Variants in CSMD1 observed in about 807,000 individuals in gnomAD.
The protein encoded by CSMD1 is CUB and sushi domain-containing protein 1.
In CSMD1, 213 loss-of-function variants were observed where a neutral mutation model predicts 417.5. The observed-to-expected ratio is 0.51, with a 90% CI of 0.46 to 0.57. The LOEUF (loss-of-function observed/expected upper bound fraction) is 0.57. CSMD1 is among the 20% of genes least tolerant of loss of function. The pLI is 0.00. For missense variants in CSMD1, 6,923 were observed against 4,529.7 expected (o/e 1.53, Z -15.17); for synonymous variants, 2,862 against 1,736.8 (o/e 1.65, Z -16.11).
chr8:4,554,784 G>C (rs7357512), intron 2 of CSMD1, among the ~76,000 whole-genome samples: 64,751 of 152,130 alleles, frequency 0.43, 13,943 homozygotes, highest in Admixed American at 0.53. Context: ...AAACCCATGA[G>C]CCAGCAGCGT....
At chr8:4,453,214 GAGACACACACACACAC>G (rs1304908882) in intron 2 of CSMD1, among the ~76,000 whole-genome samples, 2 of 94,966 alleles carry the variant, frequency 2.1e-5, no homozygotes, top group Non-Finnish European at 4.7e-5. Context: ...GACACACACA[GAGACACACACACACAC>G]ACACACACAC....
intron 3 of CSMD1, among the ~76,000 whole-genome samples, chr8:4,231,890 G>A (rs967482811): frequency 2.6e-5 from 4 of 151,962 alleles, no homozygotes; most frequent in Non-Finnish European, 5.9e-5. Flanking sequence ...TAATACTTGT[G>A]TTTTACTAAA....
chr8:4,935,446 A>G (rs1032753734), intron 1 of CSMD1, among the ~76,000 whole-genome samples: 9 of 152,224 alleles, frequency 5.9e-5, no homozygotes, highest in African/African-American at 2.2e-4. Flanking sequence ...CTTGCAGAAG[A>G]CTAACAGTTA....
chr8:4,474,597 T>C (rs955745852), intron 2 of CSMD1, among the ~76,000 whole-genome samples: 4 of 152,162 alleles, frequency 2.6e-5, no homozygotes, highest in African/African-American at 9.6e-5. Context: ...GGTGTTTCTG[T>C]GTGAGCTACT....
Position 4,593,160 on chromosome 8 carries a change from G to A in CSMD1, c.302+44182C>T, listed in dbSNP as rs115249316. Among the ~76,000 whole-genome samples, 1,160 of 152,246 alleles carry A rather than the reference G, an allele frequency of 7.6e-3. 18 individuals carry two copies. Among genetic ancestry groups the A allele is most frequent in the African/African-American group, 0.025 (1,055 of 41,538 alleles). On this transcript the variant is annotated intron_variant, in intron 2 of 69. Transcript: ENST00000635120. Reference sequence around the variant, plus strand: ...GGATGCTGAGGTCTCAGCATTGAGAGGACCAGGCAGTCACTGAAGTGCATA... The same window carrying A: ...GGATGCTGAGGTCTCAGCATTGAGAAGACCAGGCAGTCACTGAAGTGCATA...
intron 1 of CSMD1, chr8:4,788,646 G>A: frequency 1.4e-6 from 1 of 702,826 alleles, no homozygotes; most frequent in Non-Finnish European, 2.4e-6. Flanking sequence ...TTAGCTGAAG[G>A]AAAATCAAGC....
At chr8:3,497,476 A>C (rs933880921) in intron 10 of CSMD1, among the ~76,000 whole-genome samples, 2 of 152,080 alleles carry the variant, frequency 1.3e-5, no homozygotes, top group Admixed American at 1.3e-4. Flanking sequence ...GTGCAATCTC[A>C]GCTCACTGCA....
intron 1 of CSMD1, among the ~76,000 whole-genome samples, chr8:4,964,084 T>A (rs1391706899): frequency 6.6e-6 from 1 of 151,762 alleles, no homozygotes; most frequent in Non-Finnish European, 1.5e-5. Context: ...TTTCTGGGTT[T>A]ATTTTATTTT....
chr8:4,177,200 T>C (rs1162351037), intron 3 of CSMD1, among the ~76,000 whole-genome samples: 1 of 151,946 alleles, frequency 6.6e-6, no homozygotes, highest in Non-Finnish European at 1.5e-5. Flanking sequence ...CCTCAGCAAA[T>C]GTAAAAGAAG....
Position 3,584,026 on chromosome 8 carries a change from C to T in CSMD1, c.1222+2110G>A, listed in dbSNP as rs999439367. On this transcript the variant is annotated intron_variant, in intron 9 of 69. Coordinates refer to ENST00000635120, the MANE Select transcript of CSMD1 (RefSeq NM_033225.6). ...TAGTAAAACCCATCCACTATAAAAA[C>T]ACCTCCTTAGGAATTATTTCCAGCA... Among the ~76,000 whole-genome samples the T allele has an allele frequency of 1.2e-4, 19 of 152,188 alleles. No homozygotes were observed. The East Asian group carries it at 1.9e-3, about 15-fold the overall frequency.
rs538408476 is a variant in CSMD1 at position 3,254,835 on chromosome 8, G to A, written c.4154-24604C>T. On this transcript the variant is annotated intron_variant, in intron 26 of 69. Coordinates refer to ENST00000635120, the MANE Select transcript of CSMD1 (RefSeq NM_033225.6). Reference sequence around the variant, plus strand: ...GTTCAAACTTCCTCCTTTAGCTCGGGGTCGTTTGCTAGTCTGAAGCCTTCT... The same window carrying A: ...GTTCAAACTTCCTCCTTTAGCTCGGAGTCGTTTGCTAGTCTGAAGCCTTCT... Among the ~76,000 whole-genome samples the A allele has an allele frequency of 2.3e-4, 35 of 151,898 alleles. No individual in the cohort carries two copies. The South Asian group carries it at 3.3e-3, about 14-fold the overall frequency.
intron 3 of CSMD1, among the ~76,000 whole-genome samples, chr8:4,035,105 G>A (rs766510297): frequency 6.6e-6 from 1 of 152,154 alleles, no homozygotes; most frequent in Non-Finnish European, 1.5e-5. Flanking sequence ...ATAGTTGTGA[G>A]CTGCCTAACA....
intron 50 of CSMD1, among the ~76,000 whole-genome samples, chr8:3,039,611 C>A (rs142696376): frequency 3.3e-5 from 5 of 151,890 alleles, no homozygotes; most frequent in Non-Finnish European, 7.4e-5. Flanking sequence ...TTGTACTAAC[C>A]TGAGGAGGCA....
intron 46 of CSMD1, among the ~76,000 whole-genome samples, chr8:3,104,735 T>A (rs1466502717): frequency 1.4e-5 from 2 of 145,152 alleles, no homozygotes; most frequent in Non-Finnish European, 3.0e-5. Flanking sequence ...TGAGACAGAG[T>A]TTTGCTGTGT....
chr8:3,027,626 G>A (rs959541024), intron 51 of CSMD1, among the ~76,000 whole-genome samples: 14 of 152,318 alleles, frequency 9.2e-5, no homozygotes, highest in Admixed American at 2.6e-4. Context: ...TGCCCAGCCC[G>A]CAAGCAGCAG....
At chr8:3,731,021 A>G (rs1040512331) in intron 6 of CSMD1, among the ~76,000 whole-genome samples, 2 of 152,218 alleles carry the variant, frequency 1.3e-5, no homozygotes, top group African/African-American at 4.8e-5. Flanking sequence ...GAACCTACAG[A>G]TACCCATCAC....
chr8:4,901,143 T>C (rs1249009275), intron 1 of CSMD1, among the ~76,000 whole-genome samples: 2 of 152,224 alleles, frequency 1.3e-5, no homozygotes, highest in Non-Finnish European at 2.9e-5. Context: ...ATGTTCAAAG[T>C]GTCATCTGGG....
intron 10 of CSMD1, among the ~76,000 whole-genome samples, chr8:3,551,922 C>G (rs530858581): frequency 2.6e-5 from 4 of 152,172 alleles, no homozygotes; most frequent in Non-Finnish European, 4.4e-5. Context: ...TCAGTCCAGA[C>G]GTGGTTTTAG....
chr8:4,332,790 T>C (rs10094349), intron 3 of CSMD1, among the ~76,000 whole-genome samples: 67,867 of 151,840 alleles, frequency 0.45, 16,755 homozygotes, highest in African/African-American at 0.67. Context: ...TTCAAAATAG[T>C]TATGTGTGGA....
Sources: allele counts gnomAD v4.1 joint callset (sites outside exome capture counted in the v4.1 genomes callset), GRCh38; gene constraint gnomAD v4.1.1; transcripts MANE v1.5; gene names NCBI Gene and HGNC (gene_info 2026-07-23, HGNC 2026-07-21).